The following CIMAP1D variants were observed in gnomAD, a reference collection of about 807,000 sequenced individuals.
CIMAP1D encodes CIMAP1 family member D.
At chr19:488,930 C>A in the CIMAP1D span, among the ~76,000 whole-genome samples, 41,914 of 149,854 alleles carry the variant, frequency 0.28, 6,084 homozygotes, top group East Asian at 0.36. Context: ...AGACCGACCA[C>A]GGGGCGAGAC....
At chr19:470,634 C>T in the CIMAP1D span, among the ~76,000 whole-genome samples, 1 of 152,174 alleles carries the variant, frequency 6.6e-6, no homozygotes, top group African/African-American at 2.4e-5. Context: ...ATTCTGAAGG[C>T]TGAGAACAGG....
the CIMAP1D span, among the ~76,000 whole-genome samples, chr19:464,662 T>C: frequency 1.3e-5 from 2 of 152,094 alleles, no homozygotes; most frequent in Admixed American, 1.3e-4. Flanking sequence ...ACAGCCTGGG[T>C]TTTCCCCTCT....
the CIMAP1D span, among the ~76,000 whole-genome samples, chr19:486,831 G>A: frequency 7.9e-5 from 12 of 151,968 alleles, no homozygotes; most frequent in African/African-American, 1.4e-4. Flanking sequence ...GAAGAATGAC[G>A]TGAACCCGGG....
the CIMAP1D span, among the ~76,000 whole-genome samples, chr19:465,261 A>G: frequency 2.9e-3 from 233 of 80,976 alleles, 1 homozygote; most frequent in African/African-American, 9.1e-3. Context: ...GGATGGGTGG[A>G]TGGATGGATG....
the CIMAP1D span, among the ~76,000 whole-genome samples, chr19:473,941 T>A: frequency 2.2e-5 from 3 of 136,804 alleles, no homozygotes; most frequent in Non-Finnish European, 3.1e-5. Flanking sequence ...CGGTCACAGA[T>A]GGGGAAACTG....
At chr19:470,213 T>A in the CIMAP1D span, among the ~76,000 whole-genome samples, 1 of 150,332 alleles carries the variant, frequency 6.7e-6, no homozygotes, top group Non-Finnish European at 1.5e-5. Flanking sequence ...AGTTCTTTTT[T>A]TTTTTTTTTT....
At chr19:485,194 G>A in the CIMAP1D span, among the ~76,000 whole-genome samples, 12 of 152,258 alleles carry the variant, frequency 7.9e-5, no homozygotes, top group African/African-American at 1.9e-4. Flanking sequence ...GCTCTACCAC[G>A]TAACACACGT....
At chr19:465,698 T>G in the CIMAP1D span, among the ~76,000 whole-genome samples, 12 of 90,504 alleles carry the variant, frequency 1.3e-4, no homozygotes, top group South Asian at 3.9e-4. Flanking sequence ...GTTGTGTGGG[T>G]GGGTGGGTGG....
chr19:470,737 T>C, the CIMAP1D span, among the ~76,000 whole-genome samples: 1 of 152,198 alleles, frequency 6.6e-6, no homozygotes, highest in African/African-American at 2.4e-5. Context: ...CCAGCCCAGC[T>C]GGGACCTTGG....
At chr19:480,435 T>A in the CIMAP1D span, among the ~76,000 whole-genome samples, 1 of 145,842 alleles carries the variant, frequency 6.9e-6, no homozygotes, top group Non-Finnish European at 1.5e-5. Context: ...TGAGGATGGA[T>A]GACAGGAAGG....
At chr19:464,740 T>C in the CIMAP1D span, among the ~76,000 whole-genome samples, 9 of 152,256 alleles carry the variant, frequency 5.9e-5, no homozygotes, top group South Asian at 1.9e-3. Context: ...CAGACTGGGA[T>C]CCCATAAAAA....
the CIMAP1D span, chr19:490,473 C>G: frequency 6.5e-6 from 1 of 152,810 alleles, no homozygotes; most frequent in Non-Finnish European, 1.5e-5. Flanking sequence ...ATGCTGTACA[C>G]TCTTTGTTCA....
chr19:468,822 CCG>C, the CIMAP1D span, among the ~76,000 whole-genome samples: 1 of 44,634 alleles, frequency 2.2e-5, no homozygotes, highest in Non-Finnish European at 1.2e-4. Context: ...CCTGAGGAGT[CCG>C]TGGCACGCAG....
At chr19:477,733 G>A in the CIMAP1D span, among the ~76,000 whole-genome samples, 4 of 152,190 alleles carry the variant, frequency 2.6e-5, no homozygotes, top group African/African-American at 9.7e-5. Flanking sequence ...CACGATCTCG[G>A]CTCACTGCGA....
the CIMAP1D span, among the ~76,000 whole-genome samples, chr19:476,901 T>C: frequency 6.6e-6 from 1 of 152,290 alleles, no homozygotes; most frequent in Non-Finnish European, 1.5e-5. Context: ...AATGGTTGCT[T>C]TAAATTTTTA....
At chr19:463,738 A>G in the CIMAP1D span, 7 of 1,455,654 alleles carry the variant, frequency 4.8e-6, no homozygotes, top group African/African-American at 8.6e-5. Flanking sequence ...AAGGGGAGGG[A>G]AGACTCCTTT....
chr19:467,513 C>T, the CIMAP1D span: 1 of 715,060 alleles, frequency 1.4e-6, no homozygotes, highest in Non-Finnish European at 2.5e-6. Context: ...TCCTCCGTGT[C>T]CCTTGGATTT....
At chr19:481,493 GATGATGGGA>G in the CIMAP1D span, among the ~76,000 whole-genome samples, 1 of 88,920 alleles carries the variant, frequency 1.1e-5, no homozygotes, top group Non-Finnish European at 2.5e-5. Context: ...TGATGGGAAG[GATGATGGGA>G]AGGATGATGG....
chr19:481,397 TG>T, the CIMAP1D span, among the ~76,000 whole-genome samples: 94 of 73,646 alleles, frequency 1.3e-3, no homozygotes, highest in Middle Eastern at 0.011. Context: ...GGAAGGATGA[TG>T]GGGAAGGATG....
Sources: allele counts gnomAD v4.1 joint callset (sites outside exome capture counted in the v4.1 genomes callset), GRCh38; gene constraint gnomAD v4.1.1; transcripts MANE v1.5; gene names NCBI Gene and HGNC (gene_info 2026-07-23, HGNC 2026-07-21).